The following PTH2 variants were observed in gnomAD, a reference collection of about 807,000 sequenced individuals.
PTH2 encodes the protein parathyroid hormone 2.
Under a neutral mutation model 6.2 loss-of-function variants are expected in PTH2, and 5 were observed. The observed-to-expected ratio is 0.80, with a 90% CI of 0.42 to 1.69. The LOEUF (loss-of-function observed/expected upper bound fraction) is 1.69. Among genes scored for constraint, PTH2 ranks in the 40% most tolerant of loss-of-function variants. The probability of loss-of-function intolerance (pLI) is 0.02; values close to 1 mark genes in which losing one functional copy is unlikely to be tolerated. For synonymous variants in PTH2, 67 were observed against 73.6 expected (o/e 0.91, Z 0.46); for missense variants, 156 against 142.5 (o/e 1.09, Z -0.48).
At chr19:49,423,042 C>G (rs1009279719) in intron 1 of PTH2, among the ~76,000 whole-genome samples, 170 bp downstream of exon 1, 1 of 152,168 alleles carries the variant, frequency 6.6e-6, no homozygotes, top group African/African-American at 2.4e-5. Context: ...CCACCAAACC[C>G]TCCTCCCGCC....
rs1396839437 is a variant in PTH2, at chr19:49,423,375, T to C, written c.-36A>G. On this transcript the variant is annotated 5_prime_UTR_variant, in exon 1 of 2. Transcript: ENST00000270631. ...GAACCAGAAAGGGGCTCAGTAGGGCTGCATCCCGGCCCAGAACCCCGGGCC... is the reference window on the plus strand; with the variant it reads ...GAACCAGAAAGGGGCTCAGTAGGGCCGCATCCCGGCCCAGAACCCCGGGCC... 1.3e-6 allele frequency: 2 copies of C among 1,546,248 alleles called. No homozygotes were observed. The highest frequency in any genetic ancestry group is 1.7e-6 in the Non-Finnish European group (2 of 1,147,206).
chr19:49,423,405 C>G lies in PTH2; in HGVS notation c.-66G>C, dbSNP rs559291639. On this transcript the variant is annotated 5_prime_UTR_variant, in exon 1 of 2. It removes an upstream start codon present in the reference 5' UTR. Coordinates refer to ENST00000270631, the MANE Select transcript of PTH2 (RefSeq NM_178449.4). The stretch of plus-strand genomic sequence containing the variant: ...CCCGGCCCAGAACCCCGGGCCCCAC[C>G]ATGCATCCACCCCCAGCTTCCCGCA... 176 of 1,520,040 alleles carry G rather than the reference C, an allele frequency of 1.2e-4. No homozygotes were observed. In the African/African-American group the frequency reaches 2.3e-3, roughly 20 times the overall value. 94.2% of individuals were successfully genotyped at this position (1,520,040 alleles called of 1,614,324 possible).
At position 49,422,444 on chromosome 19, in the gene PTH2, T is replaced by C. The variant is rs1213157555; in HGVS notation, c.*24A>G. On this transcript the variant is annotated 3_prime_UTR_variant, in exon 2 of 2. Coordinates refer to ENST00000270631, the MANE Select transcript of PTH2 (RefSeq NM_178449.4). ...TCCGGAGCGCAGGGCATGGTCTTTATTAAGATGGGGACGGGCAGCGCGCTC... is the reference window on the plus strand; with the variant it reads ...TCCGGAGCGCAGGGCATGGTCTTTACTAAGATGGGGACGGGCAGCGCGCTC... The C allele has an allele frequency of 3.2e-5, 51 of 1,585,688 alleles. No individual in the cohort carries two copies. The Admixed American group carries it at 9.1e-4, about 28-fold the overall frequency.
rs1426208636 is a variant in PTH2, at chr19:49,422,704, C to A, written c.129-62G>T. On this transcript the variant is annotated intron_variant, in intron 1 of 1. Transcript: ENST00000270631. Reference sequence around the variant, plus strand: ...CTCTTGCCGCCGCCTGTCCTCCCCGCGGTCTAACTCGAAGCCCCGTTACTG... The same window carrying A: ...CTCTTGCCGCCGCCTGTCCTCCCCGAGGTCTAACTCGAAGCCCCGTTACTG... 61 of 1,353,476 alleles carry A rather than the reference C, an allele frequency of 4.5e-5. No homozygotes were observed. In the Middle Eastern group the frequency reaches 1.1e-3, roughly 24 times the overall value. The allele number at this position is 1,353,476 out of a possible 1,614,324, so 83.8% of individuals were successfully genotyped here.
chr19:49,422,879 CA>C (rs1222114157), intron 1 of PTH2, among the ~76,000 whole-genome samples: 2 of 152,194 alleles, frequency 1.3e-5, no homozygotes, highest in Non-Finnish European at 2.9e-5. Context: ...AGCGCATGGC[CA>C]GGCGCACACC....
chr19:49,423,247 G>A lies in PTH2; in HGVS notation c.93C>T (p.Ala31=), dbSNP rs1362344598. ...LLVVPWGVRT[A]SGVALPPVGV... ...CGACCGGGGGCAGGGCGACTCCCGA[G>A]GCAGTGCGGACGCCCCAGGGCACCA... The change falls in exon 1 of 2, where the codon GCC becomes GCT. Residue 31 remains alanine, a synonymous_variant. Coordinates refer to ENST00000270631, the MANE Select transcript of PTH2 (RefSeq NM_178449.4). The A allele has an allele frequency of 6.2e-7, 1 of 1,613,728 alleles. No individual in the cohort carries two copies. Among genetic ancestry groups the A allele is most frequent in the South Asian group, 1.1e-5 (1 of 91,038 alleles).
chr19:49,423,302 C>A lies in PTH2; in HGVS notation c.38G>T (p.Arg13Leu), dbSNP rs1039913621. The A allele has an allele frequency of 1.2e-6, 2 of 1,609,074 alleles. No individual in the cohort carries two copies. The highest frequency in any genetic ancestry group is 3.4e-5 in the Admixed American group (2 of 59,244). Residue 13 changes from arginine to leucine, a missense_variant, in exon 1 of 2, where the codon CGG becomes CTG. Transcript: ENST00000270631. The stretch of plus-strand genomic sequence containing the variant: ...CAGCAGCAGCAGCAGCAGCAGCAGC[C>A]GAACCCGAGGGCTCCTGGACACCTG... ...TRQVSRSPRV[R>L]LLLLLLLLLV...
At chr19:49,422,780 T>G (rs1975031475) in intron 1 of PTH2, 138 bp from the exon 2 acceptor site, 1 of 796,836 alleles carries the variant, frequency 1.3e-6, no homozygotes, top group Non-Finnish European at 1.8e-6. Context: ...TCTCGTTCTC[T>G]GTGTGGGTCT....
chr19:49,423,429 C>G lies in PTH2; in HGVS notation c.-90G>C. On this transcript the variant is annotated 5_prime_UTR_variant, in exon 1 of 2. Coordinates refer to ENST00000270631, the MANE Select transcript of PTH2 (RefSeq NM_178449.4). The stretch of plus-strand genomic sequence containing the variant: ...CCATGCATCCACCCCCAGCTTCCCG[C>G]ACAGTCCCCTACCGTGCAGTGGGCT... 1 of 1,485,606 alleles carries G rather than the reference C, an allele frequency of 6.7e-7. No homozygotes were observed. Among genetic ancestry groups the G allele is most frequent in the Non-Finnish European group, 9.0e-7 (1 of 1,112,682 alleles). The allele number at this position is 1,485,606 out of a possible 1,614,324, so 92.0% of individuals were successfully genotyped here. A position where few individuals can be genotyped will look rare whatever the true frequency, so the allele number is the denominator to read the frequency against.
chr19:49,422,715 G>C, intron 1 of PTH2, 73 bp from the exon 2 acceptor site: 2 of 1,321,510 alleles, frequency 1.5e-6, no homozygotes. Context: ...GGTCTAACTC[G>C]AAGCCCCGTT....
At chr19:49,422,871 C>A (rs1287657299) in intron 1 of PTH2, among the ~76,000 whole-genome samples, 2 of 152,216 alleles carry the variant, frequency 1.3e-5, no homozygotes, top group African/African-American at 4.8e-5. Flanking sequence ...CAGCGCTCAG[C>A]GCATGGCCAG....
intron 1 of PTH2, 117 bp downstream of exon 1, chr19:49,423,095 G>A: frequency 3.8e-6 from 5 of 1,319,118 alleles, no homozygotes; most frequent in Non-Finnish European, 4.2e-6. Context: ...GGTCTCGGTC[G>A]CCCTCTCTTT....
At chr19:49,422,678 G>A in intron 1 of PTH2, 36 bp from the exon 2 acceptor site, 1 of 1,383,862 alleles carries the variant, frequency 7.2e-7, no homozygotes, top group Non-Finnish European at 9.3e-7. Flanking sequence ...GTCCAGACTC[G>A]CTCTTGCCGC....
intron 1 of PTH2, 77 bp downstream of exon 1, chr19:49,423,135 G>A (rs774010264): frequency 1.2e-5 from 18 of 1,535,838 alleles, no homozygotes; most frequent in Non-Finnish European, 1.6e-5. Context: ...TGGATCTTCC[G>A]TCCCCTTTCT....
At chr19:49,423,084 G>T in intron 1 of PTH2, 128 bp downstream of exon 1, 1 of 1,192,988 alleles carries the variant, frequency 8.4e-7, no homozygotes, top group Non-Finnish European at 1.2e-6. Context: ...TCTTCTCGCT[G>T]GGTCTCGGTC....
In PTH2 at chr19:49,423,065, T is replaced by C; in HGVS notation, c.128+147A>G. On this transcript the variant is annotated intron_variant, in intron 1 of 1. Transcript: ENST00000270631. Reference sequence around the variant, plus strand: ...CCCTCCTCCCGCCTTCCCCCACCCCTAGTCTCTGTCTTCTCGCTGGGTCTC... The same window carrying C: ...CCCTCCTCCCGCCTTCCCCCACCCCCAGTCTCTGTCTTCTCGCTGGGTCTC... 4.0e-6 allele frequency: 4 copies of C among 995,332 alleles called. No individual in the cohort carries two copies. In the South Asian group the frequency reaches 6.8e-5, roughly 17 times the overall value. The allele number at this position is 995,332 out of a possible 1,614,324, so 61.7% of individuals were successfully genotyped here.
intron 1 of PTH2, among the ~76,000 whole-genome samples, chr19:49,422,906 G>A (rs1275810537): frequency 6.6e-6 from 1 of 152,042 alleles, no homozygotes; most frequent in Non-Finnish European, 1.5e-5. Context: ...CCCAATAAAC[G>A]TTGCTCAAAG....
intron 1 of PTH2, among the ~76,000 whole-genome samples, 157 bp downstream of exon 1, chr19:49,423,055 C>G (rs1364078617): frequency 6.6e-6 from 1 of 152,148 alleles, no homozygotes; most frequent in Non-Finnish European, 1.5e-5. Context: ...CTCCCGCCTT[C>G]CCCCACCCCT....
In PTH2 at chr19:49,422,571, T is replaced by C; in HGVS notation, c.200A>G (p.Asp67Gly). The change falls in exon 2 of 2, where the codon GAC (aspartate) becomes GGC (glycine). Residue 67 changes from aspartate (D) to glycine (G), a missense_variant. By Grantham distance (94) the Asp-to-Gly change is moderately conservative. Transcript: ENST00000270631. ...PRPRRSLALA[D>G]DAAFRERARL... ...CGCGCGCTCCCGGAAGGCCGCGTCG[T>C]CCGCCAGCGCCAGGCTCCTCCGCGG... 3 of 1,587,188 alleles carry C rather than the reference T, an allele frequency of 1.9e-6. No homozygotes were observed. The highest frequency in any genetic ancestry group is 3.4e-4 in the Middle Eastern group (2 of 5,868).
Sources: gnomAD v4.1 joint callset for allele counts (sites outside exome capture counted in the v4.1 genomes callset) on GRCh38, gnomAD v4.1.1 for gene constraint, MANE v1.5 for transcripts, NCBI Gene and HGNC (gene_info 2026-07-23, HGNC 2026-07-21) for gene names.